Variants in CHIC1 observed in about 807,000 individuals in gnomAD.
CHIC1 encodes cysteine-rich hydrophobic domain-containing protein 1.
CHIC1 carries 7 observed loss-of-function variants against 18.5 expected under a neutral mutation model. The observed-to-expected ratio is 0.38, with a 90% CI of 0.22 to 0.71. The LOEUF is 0.71. Ranked by LOEUF, CHIC1 falls within the 30% of genes least tolerant of loss-of-function variation. The pLI, the probability that CHIC1 is intolerant of heterozygous loss-of-function variation, is 0.49. For synonymous variants in CHIC1, 77 were observed against 73.5 expected (o/e 1.05, Z -0.25); for missense variants, 159 against 176.9 (o/e 0.90, Z 0.57).
chrX:73,605,382 CTA>C (rs1195455261), intron 3 of CHIC1, among the ~76,000 whole-genome samples: 1 of 107,769 alleles, frequency 9.3e-6, no homozygotes, highest in East Asian at 2.8e-4. Flanking sequence ...TATTTTGAGA[CTA>C]TGTGTGTACT....
At chrX:73,566,804 T>G (rs1015836662) in intron 1 of CHIC1, among the ~76,000 whole-genome samples, 7 of 111,341 alleles carry the variant, frequency 6.3e-5, no homozygotes, top group African/African-American at 2.3e-4. Context: ...CTGCTGCATT[T>G]GACACTTATG....
chrX:73,642,421 C>T (rs2057861905), intron 3 of CHIC1, among the ~76,000 whole-genome samples: 1 of 110,425 alleles, frequency 9.1e-6, no homozygotes, highest in African/African-American at 3.3e-5. Flanking sequence ...GGATATCAGC[C>T]CTTTGTCAGA....
At chrX:73,592,547 A>G (rs1344588105) in intron 3 of CHIC1, among the ~76,000 whole-genome samples, 1 of 111,408 alleles carries the variant, frequency 9.0e-6, no homozygotes, top group East Asian at 2.8e-4. Context: ...GTATCCTAGG[A>G]TTAAAGCCTA....
rs1454720760 is a variant in CHIC1 at position 73,681,032 on chromosome X, T to TA, written c.*28dup. 1.0e-6 allele frequency: 1 copy of TA among 987,275 alleles called. No homozygotes were observed. The highest frequency in any genetic ancestry group is 1.4e-6 in the Non-Finnish European group (1 of 716,876). 81.4% of individuals were successfully genotyped at this position (987,275 alleles called of 1,213,427 possible). On this transcript the variant is annotated 3_prime_UTR_variant, in exon 6 of 6. Coordinates refer to ENST00000373502, the MANE Select transcript of CHIC1 (RefSeq NM_001039840.4). ...GAGTTTTATCCAGTCACTTCTGTGT[T>TA]ACCTGTCATTTCCTACCCTTAGTGC...
At chrX:73,569,850 G>A (rs1185653980) in intron 1 of CHIC1, among the ~76,000 whole-genome samples, 1 of 111,373 alleles carries the variant, frequency 9.0e-6, no homozygotes, top group Non-Finnish European at 1.9e-5. Flanking sequence ...AGCCTACTTT[G>A]CCTTTCTTCA....
chrX:73,626,189 A>T (rs2057782614), intron 3 of CHIC1, among the ~76,000 whole-genome samples: 1 of 111,734 alleles, frequency 8.9e-6, no homozygotes. Flanking sequence ...GCTCCATTGT[A>T]TGTTGTTTCC....
intron 3 of CHIC1, among the ~76,000 whole-genome samples, chrX:73,625,726 C>CTAACCCCCTAAATCTTAGGAAGGTCTG (rs1377089847): frequency 9.0e-6 from 1 of 111,181 alleles, no homozygotes; most frequent in African/African-American, 3.3e-5. Context: ...AGAGGATCCT[C>CTAACCCCCTAAATCTTAGGAAGGTCTG]TAACCCCCTA....
At chrX:73,655,624 A>ATACATATATATACAATATTGTG in intron 3 of CHIC1, among the ~76,000 whole-genome samples, 1 of 52,275 alleles carries the variant, frequency 1.9e-5, no homozygotes, top group Non-Finnish European at 3.3e-5. Context: ...GTGTGTATAT[A>ATACATATATATACAATATTGTG]TATATATAGT....
At chrX:73,656,124 TTA>T (rs1773960655) in intron 3 of CHIC1, among the ~76,000 whole-genome samples, 1 of 111,991 alleles carries the variant, frequency 8.9e-6, no homozygotes, top group South Asian at 3.7e-4. Context: ...AGGTGTCTGT[TTA>T]TGTCTTTTGC....
chrX:73,685,463 C>A lies in CHIC1; in HGVS notation c.*4458C>A, dbSNP rs1337020693. 1 of 111,672 alleles carries A rather than the reference C, an allele frequency of 9.0e-6. No homozygotes were observed. The highest frequency in any genetic ancestry group is 1.9e-5 in the Non-Finnish European group (1 of 53,024). 9.2% of individuals were successfully genotyped at this position (111,672 alleles called of 1,213,427 possible). A position where few individuals can be genotyped will look rare whatever the true frequency, so the allele number is the denominator to read the frequency against. ...TCCTATCCAACATTTACTTTAGTGTCTAATCAAATTCCATACCCTCAAAAA... is the reference window on the plus strand; with the variant it reads ...TCCTATCCAACATTTACTTTAGTGTATAATCAAATTCCATACCCTCAAAAA... On this transcript the variant is annotated 3_prime_UTR_variant, in exon 6 of 6. Transcript: ENST00000373502.
chrX:73,683,687 A>T lies in CHIC1; in HGVS notation c.*2682A>T, dbSNP rs1294261181. 1 of 112,053 alleles carries T rather than the reference A, an allele frequency of 8.9e-6. No individual in the cohort carries two copies. The highest frequency in any genetic ancestry group is 3.2e-5 in the African/African-American group (1 of 30,958). The allele number at this position is 112,053 out of a possible 1,213,427, so 9.2% of individuals were successfully genotyped here. A position where few individuals can be genotyped will look rare whatever the true frequency, so the allele number is the denominator to read the frequency against. On this transcript the variant is annotated 3_prime_UTR_variant, in exon 6 of 6. Transcript: ENST00000373502. ...GAGCAAAACATGTATTTGCCAAAGT[A>T]TATAAATCTCACAAGGCTTTAAGAT...
chrX:73,671,970 C>T (rs754386259), intron 3 of CHIC1, among the ~76,000 whole-genome samples: 3 of 110,755 alleles, frequency 2.7e-5, no homozygotes, highest in Admixed American at 9.6e-5. Flanking sequence ...CTTCCTATGT[C>T]CATGTGTTCT....
chrX:73,659,801 G>A (rs991229337), intron 3 of CHIC1, among the ~76,000 whole-genome samples: 2 of 111,654 alleles, frequency 1.8e-5, no homozygotes, highest in African/African-American at 6.5e-5. Flanking sequence ...GGTGTTAAGG[G>A]AGGTGCTAAG....
intron 3 of CHIC1, among the ~76,000 whole-genome samples, chrX:73,627,280 T>A (rs2147589428): frequency 8.9e-6 from 1 of 112,503 alleles, no homozygotes; most frequent in African/African-American, 3.2e-5. Context: ...GCACTGGGCA[T>A]AGCCCAAGGC....
chrX:73,605,476 C>T lies in CHIC1; in HGVS notation c.507+20904C>T, dbSNP rs750855001. Among the ~76,000 whole-genome samples the T allele has an allele frequency of 1.9e-3, 210 of 108,086 alleles. 2 individuals carry two copies. The highest frequency in any genetic ancestry group is 2.1e-3 in the Non-Finnish European group (110 of 53,036). The allele number at this position is 108,086 out of a possible 115,157, so 93.9% of individuals were successfully genotyped here. A position where few individuals can be genotyped will look rare whatever the true frequency, so the allele number is the denominator to read the frequency against. On this transcript the variant is annotated intron_variant, in intron 3 of 5. Coordinates refer to ENST00000373502, the MANE Select transcript of CHIC1 (RefSeq NM_001039840.4). ...GCCAGTCTGTGTCTTTTAATTGAGCCATTTAGCCCATTTACATTTAAGGTT... is the reference window on the plus strand; with the variant it reads ...GCCAGTCTGTGTCTTTTAATTGAGCTATTTAGCCCATTTACATTTAAGGTT...
chrX:73,565,860 A>G (rs1219840290), intron 1 of CHIC1, among the ~76,000 whole-genome samples: 1 of 111,186 alleles, frequency 9.0e-6, no homozygotes. Context: ...AATATTCTCT[A>G]CCAGCCCTGA....
chrX:73,633,011 C>T (rs2057815095), intron 3 of CHIC1, among the ~76,000 whole-genome samples: 1 of 110,554 alleles, frequency 9.0e-6, no homozygotes, highest in Non-Finnish European at 1.9e-5. Context: ...CCGTGATCCG[C>T]CAGCCTCAGC....
At chrX:73,643,918 C>T (rs1021754902) in intron 3 of CHIC1, among the ~76,000 whole-genome samples, 4 of 112,392 alleles carry the variant, frequency 3.6e-5, no homozygotes, top group African/African-American at 9.7e-5. Flanking sequence ...TGAGGAGCTG[C>T]GTTCCTTTGG....
chrX:73,659,949 G>A (rs201799137), intron 3 of CHIC1, among the ~76,000 whole-genome samples: 4 of 111,491 alleles, frequency 3.6e-5, no homozygotes, highest in East Asian at 2.8e-4. Flanking sequence ...TGATAGACGC[G>A]GACATCAGTA....
Sources: gnomAD v4.1 joint callset for allele counts (sites outside exome capture counted in the v4.1 genomes callset) on GRCh38, gnomAD v4.1.1 for gene constraint, MANE v1.5 for transcripts, NCBI Gene and HGNC (gene_info 2026-07-23, HGNC 2026-07-21) for gene names.